XKR6: variants seen among roughly 807,000 people sequenced by gnomAD.
XKR6 encodes XK-related protein 6.
XKR6 carries 22 observed loss-of-function variants against 56.7 expected under a neutral mutation model. The ratio of observed to expected loss-of-function variants is 0.39; its 90% CI spans 0.28 to 0.55. XKR6 has a LOEUF of 0.55. Ranked by LOEUF, XKR6 falls within the 20% of genes least tolerant of loss-of-function variation. The pLI, the probability that XKR6 is intolerant of heterozygous loss-of-function variation, is 0.66. For missense variants in XKR6, 852 were observed against 889.0 expected (o/e 0.96, Z 0.53); for synonymous variants, 524 against 387.8 (o/e 1.35, Z -4.13).
At chr8:10,905,850 C>T (rs1481609509) in intron 2 of XKR6, among the ~76,000 whole-genome samples, 1 of 152,084 alleles carries the variant, frequency 6.6e-6, no homozygotes, top group Non-Finnish European at 1.5e-5. Flanking sequence ...GGAAATGTTC[C>T]CAGGAAAGGA....
intron 1 of XKR6, among the ~76,000 whole-genome samples, chr8:11,184,198 A>C (rs182342937): frequency 6.6e-6 from 1 of 152,300 alleles, no homozygotes; most frequent in Non-Finnish European, 1.5e-5. Context: ...TCTCAAGTAC[A>C]ATAGTCTGAG....
chr8:10,964,921 G>C (rs35792458), intron 1 of XKR6, among the ~76,000 whole-genome samples: 78,790 of 152,142 alleles, frequency 0.52, 23,192 homozygotes, highest in African/African-American at 0.8. Flanking sequence ...GCTCCAGGGC[G>C]CTGTTAAACC....
At chr8:11,027,107 T>C (rs530133230) in intron 1 of XKR6, among the ~76,000 whole-genome samples, 7 of 152,362 alleles carry the variant, frequency 4.6e-5, no homozygotes, top group South Asian at 2.1e-4. Context: ...CGGCATAGCC[T>C]GTTGCTCCTA....
At chr8:11,111,875 C>A (rs2129179902) in intron 1 of XKR6, 1 of 151,490 alleles carries the variant, frequency 6.6e-6, no homozygotes, top group East Asian at 1.9e-4. Flanking sequence ...CATGCCATCA[C>A]CAAAAAAAAT....
chr8:11,196,351 AT>A (rs1374403742), intron 1 of XKR6, among the ~76,000 whole-genome samples: 1 of 152,226 alleles, frequency 6.6e-6, no homozygotes, highest in African/African-American at 2.4e-5. Context: ...GGCTACATTT[AT>A]TGAACACTGT....
intron 1 of XKR6, among the ~76,000 whole-genome samples, chr8:10,988,238 T>C (rs994287671): frequency 2.0e-5 from 3 of 152,228 alleles, no homozygotes; most frequent in Non-Finnish European, 2.9e-5. Flanking sequence ...CATGGGGGTA[T>C]GGATTCTTAA....
At chr8:11,086,510 G>C (rs976209367) in intron 1 of XKR6, among the ~76,000 whole-genome samples, 2 of 152,118 alleles carry the variant, frequency 1.3e-5, no homozygotes, top group South Asian at 4.1e-4. Flanking sequence ...ATTCCTAACG[G>C]GAGGAACACA....
intron 1 of XKR6, chr8:11,114,183 T>TA (rs1441111989): frequency 2.8e-6 from 1 of 362,644 alleles, no homozygotes; most frequent in Admixed American, 4.1e-5. Flanking sequence ...AAGCCATTTT[T>TA]ATCACAGAAA....
chr8:10,963,390 G>A (rs975469857), intron 1 of XKR6, among the ~76,000 whole-genome samples: 1 of 152,150 alleles, frequency 6.6e-6, no homozygotes, highest in Admixed American at 6.5e-5. Context: ...TTTTTCCATA[G>A]CCATTTCCAT....
intron 1 of XKR6, among the ~76,000 whole-genome samples, chr8:10,949,029 C>T (rs1009017002): frequency 1.3e-5 from 2 of 152,196 alleles, no homozygotes; most frequent in Non-Finnish European, 2.9e-5. Flanking sequence ...AAGGCCACAT[C>T]TCCACTGAGT....
At chr8:10,995,559 A>T (rs1001545428) in intron 1 of XKR6, among the ~76,000 whole-genome samples, 14 of 150,432 alleles carry the variant, frequency 9.3e-5, no homozygotes, top group African/African-American at 3.4e-4. Context: ...ATGGTGGCAC[A>T]CGCCTGTGGT....
At position 11,072,424 on chromosome 8, in the gene XKR6, C is replaced by T. The variant is rs536621530; in HGVS notation, c.764+128152G>A. Among the ~76,000 whole-genome samples the T allele has an allele frequency of 1.3e-3, 196 of 151,916 alleles. 1 individual carries two copies. Among genetic ancestry groups the T allele is most frequent in the Middle Eastern group, 6.8e-3 (2 of 292 alleles). On this transcript the variant is annotated intron_variant, in intron 1 of 2. Coordinates refer to ENST00000416569, the MANE Select transcript of XKR6 (RefSeq NM_173683.4). ...CTGGAGAGACAGCAGGGCTCCACCC[C>T]CTCTCTGTTTTGGTAAGGTCTGTTG... is the stretch of plus-strand genomic sequence containing the variant.
intron 1 of XKR6, among the ~76,000 whole-genome samples, chr8:11,156,888 G>A (rs868176049): frequency 6.6e-6 from 1 of 152,006 alleles, no homozygotes; most frequent in East Asian, 1.9e-4. Flanking sequence ...GCTACACTTA[G>A]GAACTTGCTT....
chr8:11,032,305 T>C (rs912791061), intron 1 of XKR6, among the ~76,000 whole-genome samples: 1 of 152,178 alleles, frequency 6.6e-6, no homozygotes, highest in South Asian at 2.1e-4. Context: ...GTGAAATAGT[T>C]TCTTTTTGCC....
At chr8:11,093,893 C>G (rs928984607) in intron 1 of XKR6, among the ~76,000 whole-genome samples, 1 of 151,886 alleles carries the variant, frequency 6.6e-6, no homozygotes, top group East Asian at 1.9e-4. Flanking sequence ...ACGCCATTCT[C>G]CTGCCTCAGC....
rs1463349553 is a variant in XKR6, at chr8:10,994,595, C to T, written c.765-69765G>A. Among the ~76,000 whole-genome samples, 4 of 152,142 alleles carry T rather than the reference C, an allele frequency of 2.6e-5. No individual in the cohort carries two copies. In the East Asian group the frequency reaches 5.8e-4, roughly 22 times the overall value. On this transcript the variant is annotated intron_variant, in intron 1 of 2. Transcript: ENST00000416569. ...AGTCCATGATCAGAGTTGGGAGTAA[C>T]CTGTGTGTTATTTCCACACTCAGGT... is the stretch of plus-strand genomic sequence containing the variant.
At chr8:10,969,634 G>C (rs73537380) in intron 1 of XKR6, among the ~76,000 whole-genome samples, 11,091 of 152,226 alleles carry the variant, frequency 0.073, 737 homozygotes, top group African/African-American at 0.18. Context: ...CATCCTGAAA[G>C]GCCAGAGGAA....
At chr8:11,161,047 C>T (rs552147450) in intron 1 of XKR6, among the ~76,000 whole-genome samples, 14 of 151,950 alleles carry the variant, frequency 9.2e-5, no homozygotes, top group African/African-American at 3.4e-4. Context: ...TTTAAGATTC[C>T]ATAATATTAT....
At chr8:11,085,187 G>A (rs1797845607) in intron 1 of XKR6, among the ~76,000 whole-genome samples, 1 of 152,114 alleles carries the variant, frequency 6.6e-6, no homozygotes, top group South Asian at 2.1e-4. Context: ...ATCTCTGTGG[G>A]CATCACACAG....
Sources: gnomAD v4.1 joint callset for allele counts (sites outside exome capture counted in the v4.1 genomes callset) on GRCh38, gnomAD v4.1.1 for gene constraint, MANE v1.5 for transcripts, NCBI Gene and HGNC (gene_info 2026-07-23, HGNC 2026-07-21) for gene names.